The following TACC1 variants were observed in gnomAD, a reference collection of about 807,000 sequenced individuals.
TACC1 encodes the protein transforming acidic coiled-coil-containing protein 1.
Under a neutral mutation model 84.4 loss-of-function variants are expected in TACC1, and 48 were observed. The observed-to-expected ratio is 0.57, with a 90% confidence interval of 0.45 to 0.72. TACC1 has a LOEUF of 0.72. Among genes scored for constraint, TACC1 ranks in the 30% least tolerant of loss-of-function variants. TACC1 has a pLI of 0.00. For missense variants in TACC1, 920 were observed against 973.0 expected (o/e 0.95, Z 0.72); for synonymous variants, 372 against 376.3 (o/e 0.99, Z 0.13).
chr8:38,830,994 A>G, intron 5 of TACC1, 131 bp from the exon 6 acceptor site: 1 of 766,300 alleles, frequency 1.3e-6, no homozygotes, highest in East Asian at 2.7e-5. Flanking sequence ...CTCCTTTTAA[A>G]TAAAATCTTA....
chr8:38,832,642 T>C (rs1163838971), intron 6 of TACC1, among the ~76,000 whole-genome samples: 1 of 152,220 alleles, frequency 6.6e-6, no homozygotes, highest in Admixed American at 6.5e-5. Context: ...CAGAGTACAA[T>C]CAGTGGTAGG....
At chr8:38,837,469 C>G (rs1830458225) in intron 7 of TACC1, among the ~76,000 whole-genome samples, 1 of 152,056 alleles carries the variant, frequency 6.6e-6, no homozygotes. Flanking sequence ...CTCTGTCACC[C>G]AGGCTGAGTG....
intron 3 of TACC1, 143 bp from the exon 4 acceptor site, chr8:38,825,165 C>G: frequency 3.7e-6 from 3 of 821,230 alleles, no homozygotes; most frequent in Non-Finnish European, 6.1e-6. Context: ...GTGTCCCTGC[C>G]TCTCTCCTGC....
At position 38,754,894 on chromosome 8, in the gene TACC1, G is replaced by A. The variant is rs551505401; in HGVS notation, c.26+9401G>A. Among the ~76,000 whole-genome samples, 54 of 152,342 alleles carry A rather than the reference G, an allele frequency of 3.5e-4. 2 individuals carry two copies. In the South Asian group the frequency reaches 0.011, roughly 31 times the overall value. On this transcript the variant is annotated intron_variant, in intron 3 of 14. Transcript: ENST00000518415. The stretch of plus-strand genomic sequence containing the variant: ...AAAGAGAGATCTGGCCGGGCACAGT[G>A]GCTCACGCCTGTAATCCCAGCACTT...
intron 2 of TACC1, among the ~76,000 whole-genome samples, chr8:38,798,260 C>T (rs1054101549): frequency 3.3e-5 from 5 of 151,994 alleles, no homozygotes; most frequent in Non-Finnish European, 5.9e-5. Context: ...GTAGCTGGGA[C>T]TACAGGCGTG....
chr8:38,731,739 AC>A (rs1804960440), intron 1 of TACC1, among the ~76,000 whole-genome samples: 1 of 140,374 alleles, frequency 7.1e-6, no homozygotes, highest in African/African-American at 2.8e-5. Flanking sequence ...AAAACTGAAA[AC>A]AACAACAACA....
intron 2 of TACC1, among the ~76,000 whole-genome samples, chr8:38,796,406 A>G (rs1241364897): frequency 6.6e-6 from 1 of 152,248 alleles, no homozygotes; most frequent in East Asian, 1.9e-4. Flanking sequence ...AAATGTTGCC[A>G]GAGCAGGGTG....
chr8:38,788,084 T>G, intron 1 of TACC1: 1 of 261,838 alleles, frequency 3.8e-6, no homozygotes, highest in Non-Finnish European at 7.3e-6. Context: ...CAGTGCAACT[T>G]AGGGCCCCCC....
At chr8:38,802,717 G>T (rs1408028439) in intron 2 of TACC1, among the ~76,000 whole-genome samples, 1 of 152,216 alleles carries the variant, frequency 6.6e-6, no homozygotes, top group Admixed American at 6.5e-5. Flanking sequence ...TTCCAATTAT[G>T]GCAGAAGGCA....
At chr8:38,840,345 A>G (rs754644417) in intron 9 of TACC1, 78 bp downstream of exon 9, 9 of 1,317,534 alleles carry the variant, frequency 6.8e-6, no homozygotes, top group East Asian at 2.3e-5. Flanking sequence ...ATAACAAAAT[A>G]TGTAAGCTAG....
chr8:38,742,558 G>C, intron 2 of TACC1: 2 of 812,012 alleles, frequency 2.5e-6, no homozygotes, highest in Non-Finnish European at 3.8e-6. Flanking sequence ...TTTGGATTAA[G>C]TGTGAATGAA....
At chr8:38,824,166 C>A in intron 3 of TACC1, 1 of 632,248 alleles carries the variant, frequency 1.6e-6, no homozygotes, top group Non-Finnish European at 2.6e-6. Context: ...TCATCAGTCA[C>A]TTCATGAGTC....
intron 3 of TACC1, among the ~76,000 whole-genome samples, chr8:38,768,692 A>G (rs1812781555): frequency 6.7e-6 from 1 of 150,084 alleles, no homozygotes; most frequent in Admixed American, 6.6e-5. Context: ...ACAGAGAGAG[A>G]CTTTGAGGGG....
At chr8:38,743,519 T>G (rs1807489002) in intron 2 of TACC1, among the ~76,000 whole-genome samples, 1 of 152,162 alleles carries the variant, frequency 6.6e-6, no homozygotes, top group African/African-American at 2.4e-5. Flanking sequence ...AGAGCACTCC[T>G]TATCTATAGA....
chr8:38,783,084 ATC>A (rs1563440423), upstream of TACC1, among the ~76,000 whole-genome samples: 106 of 109,342 alleles, frequency 9.7e-4, no homozygotes, highest in African/African-American at 4.3e-3. Flanking sequence ...CTATCTATCT[ATC>A]TATCTATCTA....
chr8:38,795,794 C>T (rs184778347), intron 2 of TACC1, among the ~76,000 whole-genome samples: 28 of 152,308 alleles, frequency 1.8e-4, no homozygotes, highest in Admixed American at 6.5e-5. Context: ...TTCAAGATCT[C>T]ACCCTCACCT....
intron 3 of TACC1, among the ~76,000 whole-genome samples, chr8:38,757,626 G>A (rs1295838772): frequency 6.6e-6 from 1 of 151,956 alleles, no homozygotes; most frequent in East Asian, 1.9e-4. Flanking sequence ...ACCGCGACCG[G>A]ATCGCGTCCG....
At chr8:38,774,761 C>G (rs1563390198) in intron 3 of TACC1, among the ~76,000 whole-genome samples, 1 of 152,040 alleles carries the variant, frequency 6.6e-6, no homozygotes, top group Non-Finnish European at 1.5e-5. Flanking sequence ...GCCTGTAATC[C>G]CAGCACTTTG....
intron 2 of TACC1, among the ~76,000 whole-genome samples, chr8:38,800,913 T>C (rs894286639): frequency 1.3e-5 from 2 of 152,242 alleles, no homozygotes; most frequent in African/African-American, 4.8e-5. Context: ...ACACTTCTTA[T>C]TGTCTGTCTG....
Sources: gnomAD v4.1 joint callset for allele counts (sites outside exome capture counted in the v4.1 genomes callset) on GRCh38, gnomAD v4.1.1 for gene constraint, MANE v1.5 for transcripts, NCBI Gene and HGNC (gene_info 2026-07-23, HGNC 2026-07-21) for gene names.